The following FHOD3 variants were observed in gnomAD, a reference collection of about 807,000 sequenced individuals.
FHOD3 encodes formin homology 2 domain containing 3.
FHOD3 carries 90 observed loss-of-function variants against 173.0 expected under a neutral mutation model. That is an observed-to-expected ratio of 0.52 (90% CI 0.44 to 0.62). The LOEUF is 0.62. FHOD3 is among the 20% of genes least tolerant of loss of function. FHOD3 has a pLI of 0.00. For missense variants in FHOD3, 1,945 were observed against 2,034.7 expected (o/e 0.96, Z 0.85); for synonymous variants, 828 against 823.0 (o/e 1.01, Z -0.10).
chr18:36,407,165 G>A (rs144660683), intron 3 of FHOD3, among the ~76,000 whole-genome samples: 1 of 152,318 alleles, frequency 6.6e-6, no homozygotes, highest in African/African-American at 2.4e-5. Flanking sequence ...CCACCACATA[G>A]GAATGTGGTC....
chr18:36,299,680 C>G (rs1183966194), intron 1 of FHOD3, among the ~76,000 whole-genome samples: 1 of 152,130 alleles, frequency 6.6e-6, no homozygotes, highest in African/African-American at 2.4e-5. Flanking sequence ...TGCCCCCCTC[C>G]TCACCCCCAA....
In FHOD3 at chr18:36,431,736, T is replaced by C. The variant is rs551002570; in HGVS notation, c.337+58992T>C. Among the ~76,000 whole-genome samples, 25 of 152,360 alleles carry C rather than the reference T, an allele frequency of 1.6e-4. No individual in the cohort carries two copies. The South Asian group carries it at 5.2e-3, about 32-fold the overall frequency. On this transcript the variant is annotated intron_variant, in intron 3 of 28. Transcript: ENST00000590592. ...CACTATAATTTGGGTTATGTAATAC[T>C]ATAAAAGGAAACTGTGATATGACCA...
At chr18:36,573,354 A>T (rs59994220) in intron 5 of FHOD3, among the ~76,000 whole-genome samples, 1 of 151,652 alleles carries the variant, frequency 6.6e-6, no homozygotes, top group East Asian at 2.0e-4. Flanking sequence ...CCTGTAATCC[A>T]GGCACTTTGG....
chr18:36,533,681 C>T (rs772588970), intron 5 of FHOD3, among the ~76,000 whole-genome samples: 4 of 152,170 alleles, frequency 2.6e-5, no homozygotes, highest in Non-Finnish European at 2.9e-5. Context: ...GGGAAGACGA[C>T]TTATGTCTTA....
intron 11 of FHOD3, among the ~76,000 whole-genome samples, chr18:36,651,762 AT>A (rs1428309646): frequency 3.3e-5 from 5 of 151,864 alleles, no homozygotes; most frequent in African/African-American, 9.7e-5. Context: ...AAAAAAAAAA[AT>A]GTATATATTT....
intron 5 of FHOD3, among the ~76,000 whole-genome samples, chr18:36,554,718 C>G (rs2147451704): frequency 6.6e-6 from 1 of 152,302 alleles, no homozygotes; most frequent in South Asian, 2.1e-4. Flanking sequence ...CTAGCGATCC[C>G]TTTCTGGTAA....
intron 3 of FHOD3, among the ~76,000 whole-genome samples, chr18:36,390,598 G>A (rs2048256991): frequency 6.6e-6 from 1 of 152,132 alleles, no homozygotes; most frequent in Non-Finnish European, 1.5e-5. Context: ...TTTGAATAAT[G>A]TAACAAACGT....
intron 23 of FHOD3, among the ~76,000 whole-genome samples, chr18:36,744,526 G>A (rs2042056994): frequency 6.6e-6 from 1 of 152,214 alleles, no homozygotes; most frequent in Non-Finnish European, 1.5e-5. Context: ...GCTTGTCTTA[G>A]GTGGCAACCA....
chr18:36,548,564 A>T (rs1483259038), intron 5 of FHOD3, among the ~76,000 whole-genome samples: 1 of 152,226 alleles, frequency 6.6e-6, no homozygotes, highest in Non-Finnish European at 1.5e-5. Flanking sequence ...GTCTGCTTCA[A>T]CGACTTGGGA....
intron 27 of FHOD3, among the ~76,000 whole-genome samples, chr18:36,763,249 G>T (rs1457263692): frequency 6.9e-6 from 1 of 144,268 alleles, no homozygotes; most frequent in Non-Finnish European, 1.5e-5. Context: ...TATTATACAC[G>T]TTATATACAA....
chr18:36,600,284 C>CACACAG (rs1555778047), intron 7 of FHOD3, among the ~76,000 whole-genome samples: 2 of 151,386 alleles, frequency 1.3e-5, no homozygotes, highest in Admixed American at 6.6e-5. Context: ...CACACACACA[C>CACACAG]ACACATATGC....
chr18:36,534,651 A>C (rs2146951316), intron 5 of FHOD3, among the ~76,000 whole-genome samples: 1 of 152,206 alleles, frequency 6.6e-6, no homozygotes, highest in East Asian at 1.9e-4. Flanking sequence ...TAGCTCGTTA[A>C]GCCCAGCATC....
chr18:36,457,503 G>A (rs976343648), intron 3 of FHOD3, among the ~76,000 whole-genome samples: 6 of 152,090 alleles, frequency 3.9e-5, no homozygotes, highest in African/African-American at 1.5e-4. Context: ...ATTCAAATAC[G>A]AAGGGTGTCT....
chr18:36,682,327 T>A (rs1225718027), intron 15 of FHOD3, among the ~76,000 whole-genome samples: 2 of 152,154 alleles, frequency 1.3e-5, no homozygotes, highest in East Asian at 1.9e-4. Flanking sequence ...CTCCTCTTCC[T>A]TATATCCTTT....
At chr18:36,522,986 C>A (rs2056345825) in intron 5 of FHOD3, among the ~76,000 whole-genome samples, 1 of 152,318 alleles carries the variant, frequency 6.6e-6, no homozygotes, top group South Asian at 2.1e-4. Flanking sequence ...TCCCTAGCTG[C>A]TTAAAACTGG....
At chr18:36,649,486 C>T (rs1008099927) in intron 11 of FHOD3, 81 bp downstream of exon 11, 38 of 1,077,746 alleles carry the variant, frequency 3.5e-5, no homozygotes, top group Non-Finnish European at 4.8e-5. Flanking sequence ...CTTCTAGTGG[C>T]CACCTCCCTT....
chr18:36,697,855 G>T (rs1421386870), intron 17 of FHOD3, among the ~76,000 whole-genome samples: 1 of 152,188 alleles, frequency 6.6e-6, no homozygotes, highest in East Asian at 1.9e-4. Flanking sequence ...GCATCCATTT[G>T]TCCTTTTGGC....
At chr18:36,488,391 G>A (rs1334041305) in intron 3 of FHOD3, among the ~76,000 whole-genome samples, 6 of 152,178 alleles carry the variant, frequency 3.9e-5, no homozygotes, top group Non-Finnish European at 7.3e-5. Context: ...CTCTTTGGGG[G>A]AGTGATTGTG....
At chr18:36,406,288 T>C (rs901335287) in intron 3 of FHOD3, among the ~76,000 whole-genome samples, 10 of 152,190 alleles carry the variant, frequency 6.6e-5, no homozygotes, top group Non-Finnish European at 7.3e-5. Flanking sequence ...GCCACAAAGA[T>C]ACTGATTTGA....
Sources: allele counts gnomAD v4.1 joint callset (sites outside exome capture counted in the v4.1 genomes callset), GRCh38; gene constraint gnomAD v4.1.1; transcripts MANE v1.5; gene names NCBI Gene and HGNC (gene_info 2026-07-23, HGNC 2026-07-21).